SP4: variants seen among roughly 807,000 people sequenced by gnomAD.
SP4 encodes the protein Sp4 transcription factor, also known as transcription factor Sp4.
Under a neutral mutation model 72.8 loss-of-function variants are expected in SP4, and 19 were observed. That is an observed-to-expected ratio of 0.26 (90% CI 0.18 to 0.38). SP4 has a LOEUF of 0.38. SP4 is among the 10% of genes least tolerant of loss of function. The pLI, the probability that SP4 is intolerant of heterozygous loss-of-function variation, is 1.00. For missense variants in SP4, 1,008 were observed against 926.3 expected (o/e 1.09, Z -1.14); for synonymous variants, 395 against 333.1 (o/e 1.19, Z -2.02).
At chr7:21,456,826 T>TGTCTC (rs1783779027) in intron 3 of SP4, among the ~76,000 whole-genome samples, 1 of 152,208 alleles carries the variant, frequency 6.6e-6, no homozygotes, top group Admixed American at 6.5e-5. Flanking sequence ...TCAAATAAAA[T>TGTCTC]GTCTCAGGTC....
At chr7:21,503,680 A>G (rs10235230) in intron 5 of SP4, among the ~76,000 whole-genome samples, 3,280 of 152,296 alleles carry the variant, frequency 0.022, 126 homozygotes, top group African/African-American at 0.074. Flanking sequence ...CCCAGCCTGA[A>G]AGGTAATCTA....
chr7:21,442,814 C>T (rs1166191826), intron 3 of SP4, among the ~76,000 whole-genome samples: 1 of 152,228 alleles, frequency 6.6e-6, no homozygotes, highest in East Asian at 1.9e-4. Context: ...TGGCTCACTG[C>T]AGCCTCTGCC....
intron 3 of SP4, among the ~76,000 whole-genome samples, chr7:21,474,824 A>G (rs952280790): frequency 1.3e-5 from 2 of 152,210 alleles, no homozygotes; most frequent in African/African-American, 4.8e-5. Flanking sequence ...GTGTACAAAA[A>G]TGTAAATTTT....
intron 3 of SP4, among the ~76,000 whole-genome samples, chr7:21,472,810 G>A (rs987590757): frequency 6.6e-6 from 1 of 151,540 alleles, no homozygotes; most frequent in African/African-American, 2.4e-5. Context: ...CAAACAAAAA[G>A]GAGCTAACAG....
In SP4 at chr7:21,500,918, T is replaced by C. The variant is rs577914243; in HGVS notation, c.2108-10104T>C. Among the ~76,000 whole-genome samples the C allele has an allele frequency of 1.2e-4, 19 of 152,314 alleles. No homozygotes were observed. In the South Asian group the frequency reaches 3.9e-3, roughly 32 times the overall value. On this transcript the variant is annotated intron_variant, in intron 5 of 5. Transcript: ENST00000222584. Reference sequence around the variant, plus strand: ...CATTCGCCTGTCTGAACCCAAAGACTGCACTTGGAGACACAAAGAACAGCA... The same window carrying C: ...CATTCGCCTGTCTGAACCCAAAGACCGCACTTGGAGACACAAAGAACAGCA...
intron 3 of SP4, among the ~76,000 whole-genome samples, chr7:21,466,939 A>C (rs1188275488): frequency 6.6e-6 from 1 of 152,116 alleles, no homozygotes; most frequent in African/African-American, 2.4e-5. Flanking sequence ...AGACTCATGT[A>C]GTTTTTATAG....
chr7:21,498,594 A>G (rs1583445222), intron 5 of SP4, among the ~76,000 whole-genome samples: 1 of 152,200 alleles, frequency 6.6e-6, no homozygotes. Context: ...AAATGATTAC[A>G]GTTAACCCTT....
At position 21,511,137 on chromosome 7, in the gene SP4, T is replaced by C. The variant is rs1237875920; in HGVS notation, c.2223T>C (p.Ile741=). Residue 741 remains isoleucine (I), a synonymous_variant, in exon 6 of 6, where the codon ATT becomes ATC. Transcript: ENST00000222584. ...AAGGTGGTGGGACAGCTCTTGCCAT[T>C]GTTACCTCGGGAGAACTGGACTCAT... ...NKKGGGTALA[I]VTSGELDSSV... is the part of the protein sequence containing the mutation. 1 of 1,614,194 alleles carries C rather than the reference T, an allele frequency of 6.2e-7. No homozygotes were observed. Among genetic ancestry groups the C allele is most frequent in the South Asian group, 1.1e-5 (1 of 91,086 alleles).
At chr7:21,479,734 A>C (rs915614844) in intron 4 of SP4, among the ~76,000 whole-genome samples, 4 of 152,178 alleles carry the variant, frequency 2.6e-5, no homozygotes, top group African/African-American at 9.7e-5. Flanking sequence ...TGCCAGCTTA[A>C]CAATATTACA....
intron 4 of SP4, among the ~76,000 whole-genome samples, chr7:21,481,238 A>G (rs1259516076): frequency 6.6e-6 from 1 of 152,196 alleles, no homozygotes; most frequent in Non-Finnish European, 1.5e-5. Context: ...AAATGCAGAC[A>G]TCTTGCCCCT....
chr7:21,483,497 T>C (rs1410299583), intron 5 of SP4, among the ~76,000 whole-genome samples: 1 of 151,926 alleles, frequency 6.6e-6, no homozygotes, highest in Non-Finnish European at 1.5e-5. Flanking sequence ...AAAGTTTTAT[T>C]TTTGTAAGTT....
intron 3 of SP4, among the ~76,000 whole-genome samples, chr7:21,449,484 CT>C (rs1300361192): frequency 1.3e-5 from 2 of 151,976 alleles, no homozygotes; most frequent in African/African-American, 2.4e-5. Context: ...AGATTTAAAG[CT>C]TTTTTTGGAA....
At chr7:21,446,030 G>GCA (rs1783416730) in intron 3 of SP4, among the ~76,000 whole-genome samples, 2 of 134,756 alleles carry the variant, frequency 1.5e-5, no homozygotes, top group South Asian at 2.4e-4. Context: ...GTGTGTGTGT[G>GCA]CACGCATATG....
At chr7:21,471,087 T>C in intron 3 of SP4, 1 of 534,740 alleles carries the variant, frequency 1.9e-6, no homozygotes, top group Non-Finnish European at 3.8e-6. Flanking sequence ...ACACAGAACA[T>C]TAGAGAAGAC....
intron 5 of SP4, among the ~76,000 whole-genome samples, chr7:21,488,538 A>G (rs1406829573): frequency 1.5e-5 from 2 of 136,500 alleles, no homozygotes; most frequent in African/African-American, 5.4e-5. Flanking sequence ...TATTATTTTA[A>G]TGGGTGTCTC....
At chr7:21,507,893 A>G (rs1782042775) in intron 5 of SP4, among the ~76,000 whole-genome samples, 1 of 151,852 alleles carries the variant, frequency 6.6e-6, no homozygotes, top group East Asian at 1.9e-4. Context: ...TCACGGGAGA[A>G]CGGAACCATG....
At chr7:21,457,793 G>A (rs1783814445) in intron 3 of SP4, among the ~76,000 whole-genome samples, 1 of 152,052 alleles carries the variant, frequency 6.6e-6, no homozygotes, top group South Asian at 2.1e-4. Flanking sequence ...GTGTATGCAT[G>A]TGTGTGTTTG....
chr7:21,468,801 C>G (rs1482945671), intron 3 of SP4, among the ~76,000 whole-genome samples: 2 of 152,060 alleles, frequency 1.3e-5, no homozygotes, highest in African/African-American at 2.4e-5. Context: ...GAGGTGAGAG[C>G]AGTAATCACT....
rs1449115291 is a variant in SP4, at chr7:21,429,633, A to G, written c.468A>G (p.Val156=). The G allele has an allele frequency of 6.2e-7, 1 of 1,614,046 alleles. No homozygotes were observed. Among genetic ancestry groups the G allele is most frequent in the African/African-American group, 1.3e-5 (1 of 74,918 alleles). Residue 156 remains valine, a synonymous_variant, in exon 3 of 6, where the codon GTA becomes GTG. Transcript: ENST00000222584. ...STPGQFQVIQ[V]QNPSGSVQYQ... ...CTGGTCAATTTCAAGTCATACAAGT[A>G]CAAAATCCAAGTGGTAGTGTACAGT...
Sources: gnomAD v4.1 joint callset for allele counts (sites outside exome capture counted in the v4.1 genomes callset) on GRCh38, gnomAD v4.1.1 for gene constraint, MANE v1.5 for transcripts, NCBI Gene and HGNC (gene_info 2026-07-23, HGNC 2026-07-21) for gene names.